The following SHISA9 variants were observed in gnomAD, a reference collection of about 807,000 sequenced individuals.
The protein encoded by SHISA9 is shisa family member 9, also known as protein shisa-9.
In SHISA9, 13 loss-of-function variants were observed where a neutral mutation model predicts 38.0. The ratio of observed to expected loss-of-function variants is 0.34; its 90% confidence interval spans 0.22 to 0.54. The LOEUF is 0.54. SHISA9 is among the 20% of genes least tolerant of loss of function. The pLI, the probability that SHISA9 is intolerant of heterozygous loss-of-function variation, is 0.91. For missense variants in SHISA9, 538 were observed against 575.8 expected (o/e 0.93, Z 0.67); for synonymous variants, 275 against 242.0 (o/e 1.14, Z -1.27).
chr16:13,349,842 G>C, the SHISA9 span, among the ~76,000 whole-genome samples: 1 of 152,202 alleles, frequency 6.6e-6, no homozygotes, highest in East Asian at 1.9e-4. Flanking sequence ...ATCTGGTCTG[G>C]AAGGGAGGAA....
intron 2 of SHISA9, among the ~76,000 whole-genome samples, chr16:13,108,524 C>G (rs2073948163): frequency 6.6e-6 from 1 of 151,988 alleles, no homozygotes; most frequent in Non-Finnish European, 1.5e-5. Context: ...TTTGGACTCC[C>G]AAAGCACTGG....
intron 4 of SHISA9, among the ~76,000 whole-genome samples, chr16:13,218,600 A>G (rs1033316594): frequency 1.3e-5 from 2 of 152,226 alleles, no homozygotes; most frequent in Admixed American, 6.5e-5. Flanking sequence ...AAATTATTTA[A>G]CATCTCTGGA....
the SHISA9 span, among the ~76,000 whole-genome samples, chr16:13,352,704 G>A: frequency 8.5e-5 from 1 of 11,728 alleles, no homozygotes; most frequent in East Asian, 5.2e-3. Context: ...AGATAAGGGG[G>A]GGGGGGGGCG....
intron 2 of SHISA9, among the ~76,000 whole-genome samples, chr16:12,975,058 G>A (rs2072138756): frequency 6.6e-6 from 1 of 152,072 alleles, no homozygotes; most frequent in Admixed American, 6.5e-5. Context: ...TATTTGTTGA[G>A]CACCTGTTGT....
At chr16:13,378,874 A>C in the SHISA9 span, among the ~76,000 whole-genome samples, 1 of 152,242 alleles carries the variant, frequency 6.6e-6, no homozygotes, top group Non-Finnish European at 1.5e-5. Flanking sequence ...ATATTTGTTG[A>C]GTGAATCAGC....
At chr16:13,118,928 C>T (rs1286938558) in intron 2 of SHISA9, among the ~76,000 whole-genome samples, 3 of 152,098 alleles carry the variant, frequency 2.0e-5, no homozygotes, top group African/African-American at 7.2e-5. Context: ...GACGGGGTTT[C>T]TCCTTGTTGG....
intron 2 of SHISA9, among the ~76,000 whole-genome samples, chr16:13,122,850 A>G (rs1019483156): frequency 6.6e-6 from 1 of 152,144 alleles, no homozygotes; most frequent in African/African-American, 2.4e-5. Flanking sequence ...AGTTTGAGAC[A>G]AGCCTGGCCA....
At chr16:13,516,149 C>CA in the SHISA9 span, among the ~76,000 whole-genome samples, 1 of 152,198 alleles carries the variant, frequency 6.6e-6, no homozygotes, top group Non-Finnish European at 1.5e-5. Context: ...AGCTGATCTT[C>CA]AACCCAGATA....
At chr16:12,947,464 T>C (rs2141769426) in intron 2 of SHISA9, among the ~76,000 whole-genome samples, 1 of 152,276 alleles carries the variant, frequency 6.6e-6, no homozygotes, top group South Asian at 2.1e-4. Context: ...ACAAGTCTGG[T>C]CACTTAAGAT....
the SHISA9 span, among the ~76,000 whole-genome samples, chr16:13,539,384 C>CA: frequency 7.7e-6 from 1 of 130,132 alleles, no homozygotes; most frequent in Non-Finnish European, 1.7e-5. Context: ...CTGTGTTGTC[C>CA]AAGCTGGTCT....
chr16:13,120,037 A>C (rs2074069663), intron 2 of SHISA9, among the ~76,000 whole-genome samples: 1 of 152,148 alleles, frequency 6.6e-6, no homozygotes, highest in Non-Finnish European at 1.5e-5. Context: ...TCTTAAGGGC[A>C]GGTGGGCATG....
At chr16:13,011,963 C>G (rs1163654045) in intron 2 of SHISA9, among the ~76,000 whole-genome samples, 1 of 152,016 alleles carries the variant, frequency 6.6e-6, no homozygotes, top group African/African-American at 2.4e-5. Context: ...GTAGCTGGAA[C>G]TACAGGCATG....
chr16:12,908,580 G>A, intron 1 of SHISA9: 1 of 1,551,760 alleles, frequency 6.4e-7, no homozygotes, highest in Non-Finnish European at 8.7e-7. Context: ...TGGACAGTCT[G>A]AGTGCACGGA....
At chr16:13,257,154 T>G in the SHISA9 span, among the ~76,000 whole-genome samples, 1 of 152,190 alleles carries the variant, frequency 6.6e-6, no homozygotes, top group Non-Finnish European at 1.5e-5. Context: ...TTACATTCTT[T>G]CTCAGCCAAA....
chr16:13,125,226 G>A (rs1313688668), intron 2 of SHISA9, among the ~76,000 whole-genome samples: 1 of 151,906 alleles, frequency 6.6e-6, no homozygotes, highest in African/African-American at 2.4e-5. Flanking sequence ...TTCTGACAAG[G>A]GATTAGTAAC....
chr16:13,305,551 T>C, the SHISA9 span, among the ~76,000 whole-genome samples: 3 of 152,202 alleles, frequency 2.0e-5, no homozygotes, highest in South Asian at 2.1e-4. Flanking sequence ...TGGAATCCAG[T>C]TGCACTGTTG....
chr16:13,455,988 G>A, the SHISA9 span, among the ~76,000 whole-genome samples: 7 of 152,196 alleles, frequency 4.6e-5, no homozygotes, highest in Non-Finnish European at 1.0e-4. Context: ...ATAAAACGTG[G>A]CTACCTTGGG....
the SHISA9 span, among the ~76,000 whole-genome samples, chr16:13,443,638 G>A: frequency 6.6e-6 from 1 of 152,068 alleles, no homozygotes; most frequent in South Asian, 2.1e-4. Flanking sequence ...AAGCCCCTAT[G>A]TTTTTATTTA....
intron 2 of SHISA9, among the ~76,000 whole-genome samples, chr16:12,975,656 C>CGGGGGGGGGGAGGGGGGGG (rs139081896): frequency 2.7e-5 from 3 of 109,492 alleles, no homozygotes; most frequent in Non-Finnish European, 3.8e-5. Flanking sequence ...GGGACGGGGG[C>CGGGGGGGGGGAGGGGGGGG]GGGGGGGGTA....
Sources: gnomAD v4.1 joint callset for allele counts (sites outside exome capture counted in the v4.1 genomes callset) on GRCh38, gnomAD v4.1.1 for gene constraint, MANE v1.5 for transcripts, NCBI Gene and HGNC (gene_info 2026-07-23, HGNC 2026-07-21) for gene names.